ABCA6: variants seen among roughly 807,000 people sequenced by gnomAD.
ABCA6 encodes the protein ATP-binding cassette sub-family A member 6.
In ABCA6, 164 loss-of-function variants were observed where a neutral mutation model predicts 191.2. The ratio of observed to expected loss-of-function variants is 0.86; its 90% CI spans 0.76 to 0.98. The LOEUF is 0.98. Ranked by LOEUF, ABCA6 falls within the 50% of genes least tolerant of loss-of-function variation. ABCA6 has a pLI of 0.00. For synonymous variants in ABCA6, 636 were observed against 647.7 expected, an observed-to-expected ratio of 0.98 and a Z score of 0.27; for missense variants, 1,958 against 1,894.1, an observed-to-expected ratio of 1.03 and a Z score of -0.63.
Position 69,079,085 on chromosome 17 carries a change from G to A in ABCA6, c.4753-11C>T, listed in dbSNP as rs780215256. Reference sequence around the variant, plus strand: ...AAGCTCTAAGAATACCTAATTAGGAGACAAAGAAGAAGGAAAGAAGGAAGA... The same window carrying A: ...AAGCTCTAAGAATACCTAATTAGGAAACAAAGAAGAAGGAAAGAAGGAAGA... On this transcript the variant is annotated splice_polypyrimidine_tract_variant and intron_variant, in intron 38 of 38. Coordinates refer to ENST00000284425, the MANE Select transcript of ABCA6 (RefSeq NM_080284.3). The A allele has an allele frequency of 8.2e-6, 13 of 1,585,964 alleles. No individual in the cohort carries two copies. Among genetic ancestry groups the A allele is most frequent in the African/African-American group, 4.1e-5 (3 of 74,024 alleles).
In ABCA6 at chr17:69,107,798, G is replaced by A. The variant is rs991106515; in HGVS notation, c.2287C>T (p.Leu763=). 2 of 1,607,628 alleles carry A rather than the reference G, an allele frequency of 1.2e-6. No homozygotes were observed. Among genetic ancestry groups the A allele is most frequent in the Non-Finnish European group, 1.7e-6 (2 of 1,176,910 alleles). ...TNTFPDLFSD[L]DKCSDQGVTG... ...ACTCCCTGGTCAGAACACTTATCCA[G>A]ATCACTGAAAAGATCTAAGGCAAAA... Residue 763 remains leucine (L), a synonymous_variant, in exon 18 of 39, where the codon CTG becomes TTG. Coordinates refer to ENST00000284425, the MANE Select transcript of ABCA6 (RefSeq NM_080284.3).
In ABCA6 at chr17:69,081,066, C is replaced by A; in HGVS notation, c.4696G>T (p.Val1566Leu). The A allele has an allele frequency of 6.3e-7, 1 of 1,582,300 alleles. No individual in the cohort carries two copies. Among genetic ancestry groups the A allele is most frequent in the Non-Finnish European group, 8.6e-7 (1 of 1,160,834 alleles). The change falls in exon 37 of 39, where the codon GTG (valine) becomes TTG (leucine). Residue 1566 changes from valine to leucine, a missense_variant and splice_region_variant. Physicochemically the swap from Val to Leu is conservative, Grantham distance 32. Coordinates refer to ENST00000284425, the MANE Select transcript of ABCA6 (RefSeq NM_080284.3). ...LSQTFHKLEAVKHNFNLEEYS... is the reference protein window; with the variant it reads ...LSQTFHKLEALKHNFNLEEYS... Reference sequence around the variant, plus strand: ...TTTATTTGAATGTGGTCACTCTTACCTGCTTCTAATTTGTGAAAGGTCTGT... The same window carrying A: ...TTTATTTGAATGTGGTCACTCTTACATGCTTCTAATTTGTGAAAGGTCTGT...
intron 16 of ABCA6, chr17:69,111,186 A>G (rs1418745353): frequency 3.5e-6 from 1 of 285,916 alleles, no homozygotes; most frequent in East Asian, 6.6e-5. Flanking sequence ...ATGGAACTAT[A>G]TAGAGTTTTA....
At chr17:69,090,972 A>G (rs2072908796) in intron 26 of ABCA6, among the ~76,000 whole-genome samples, 171 bp downstream of exon 26, 4 of 152,160 alleles carry the variant, frequency 2.6e-5, no homozygotes, top group Admixed American at 2.6e-4. Flanking sequence ...AGAGTTGTGC[A>G]AGCATCACCA....
intron 34 of ABCA6, 63 bp downstream of exon 34, chr17:69,084,198 A>C (rs2072710975): frequency 5.4e-6 from 8 of 1,492,618 alleles, no homozygotes; most frequent in Non-Finnish European, 7.4e-6. Flanking sequence ...TTCCAAGACC[A>C]GTTAAAATAT....
chr17:69,098,029 T>C lies in ABCA6; in HGVS notation c.3013-2A>G. 6.3e-7 allele frequency: 1 copy of C among 1,575,886 alleles called. No individual in the cohort carries two copies. On this transcript the variant is annotated splice_acceptor_variant, in intron 22 of 38. Transcript: ENST00000284425. LOFTEE classifies it high-confidence loss of function. ...CCCAGTCCAGAGTCCTATGTGGCTC[T>C]GAAAATATAAAGGGTAGCTTAAACT... is the stretch of plus-strand genomic sequence containing the variant.
chr17:69,135,871 T>C (rs111647978), intron 4 of ABCA6: 7 of 517,824 alleles, frequency 1.4e-5, no homozygotes, highest in African/African-American at 3.9e-5. Context: ...CTTTGACACA[T>C]GCATCTGCAT....
intron 14 of ABCA6, 40 bp downstream of exon 14, chr17:69,113,578 C>T: frequency 1.9e-6 from 3 of 1,612,286 alleles, no homozygotes; most frequent in Non-Finnish European, 2.5e-6. Flanking sequence ...ATTTTGCAGA[C>T]ATTCGACCTG....
chr17:69,101,080 C>A, intron 21 of ABCA6, 146 bp from the exon 22 acceptor site: 1 of 617,352 alleles, frequency 1.6e-6, no homozygotes, highest in Admixed American at 3.3e-5. Context: ...TTACCTTCCT[C>A]ATCTATGAAA....
At chr17:69,082,250 T>C (rs747268797) in intron 36 of ABCA6, among the ~76,000 whole-genome samples, 23 of 152,074 alleles carry the variant, frequency 1.5e-4, no homozygotes, top group Non-Finnish European at 3.1e-4. Flanking sequence ...TTGATGTACT[T>C]ATCTCTCCAC....
At chr17:69,105,894 G>T in intron 19 of ABCA6, 134 bp downstream of exon 19, 1 of 1,024,072 alleles carries the variant, frequency 9.8e-7, no homozygotes, top group Non-Finnish European at 1.4e-6. Flanking sequence ...CCCACTGTCA[G>T]AAAAATTAAA....
intron 8 of ABCA6, among the ~76,000 whole-genome samples, chr17:69,126,234 T>C (rs2073751482): frequency 6.6e-6 from 1 of 152,176 alleles, no homozygotes; most frequent in African/African-American, 2.4e-5. Context: ...TGCATCTCTC[T>C]ACATTAACAA....
At chr17:69,124,661 ATTG>A (rs1234364030) in intron 9 of ABCA6, among the ~76,000 whole-genome samples, 2 of 151,958 alleles carry the variant, frequency 1.3e-5, no homozygotes, top group Non-Finnish European at 2.9e-5. Context: ...TATTATAATT[ATTG>A]TTGTCATATA....
chr17:69,134,659 T>C lies in ABCA6; in HGVS notation c.544A>G (p.Ile182Val). The C allele has an allele frequency of 6.2e-7, 1 of 1,613,214 alleles. No individual in the cohort carries two copies. Among genetic ancestry groups the C allele is most frequent in the African/African-American group, 1.3e-5 (1 of 75,016 alleles). The change falls in exon 5 of 39, where the codon ATT becomes GTT. Residue 182 changes from isoleucine to valine, a missense_variant. By Grantham distance (29) the Ile-to-Val change is conservative. Coordinates refer to ENST00000284425, the MANE Select transcript of ABCA6 (RefSeq NM_080284.3). ...CTTACTTCTATAATGGCAGTATTAA[T>C]AGCTGTTTGTAAAGCCACAAATCCT... ...NRGFVALQTA[I>V]NTAIIEITTN...
At chr17:69,113,040 C>A in intron 15 of ABCA6, 182 bp downstream of exon 15, 1 of 560,890 alleles carries the variant, frequency 1.8e-6, no homozygotes, top group Non-Finnish European at 2.7e-6. Flanking sequence ...GTTGTCACTA[C>A]CTAGCAAATG....
intron 31 of ABCA6, 98 bp from the exon 32 acceptor site, chr17:69,085,280 G>T: frequency 8.5e-7 from 1 of 1,180,208 alleles, no homozygotes. Context: ...AATTGTTTAA[G>T]CATCAAATAA....
Position 69,097,996 on chromosome 17 carries a change from TC to T in ABCA6, c.3043del (p.Asp1015MetfsTer49). The T allele has an allele frequency of 6.2e-7, 1 of 1,612,122 alleles. No homozygotes were observed. Among genetic ancestry groups the T allele is most frequent in the African/African-American group, 1.3e-5 (1 of 74,830 alleles). ...AACCAAAAATAAGAAAAAGGAACCA[TC>T]CGGCAACCCAGTCCAGAGTCCTATG... ...SHIGLWTGLP[D>X]GSFFLFLVLC... On this transcript the variant is annotated frameshift_variant, in exon 23 of 39. Coordinates refer to ENST00000284425, the MANE Select transcript of ABCA6 (RefSeq NM_080284.3). LOFTEE classifies it high-confidence loss of function.
At chr17:69,102,999 G>C in intron 20 of ABCA6, 31 bp from the exon 21 acceptor site, 1 of 1,325,794 alleles carries the variant, frequency 7.5e-7, no homozygotes. Flanking sequence ...GAAGGCCATA[G>C]AAAAGTAAGA....
intron 1 of ABCA6, among the ~76,000 whole-genome samples, chr17:69,141,035 A>T (rs2074018423): frequency 6.6e-6 from 1 of 152,014 alleles, no homozygotes. Flanking sequence ...GTATGAGAGA[A>T]CTTTAAGTAC....
Sources: allele counts gnomAD v4.1 joint callset (sites outside exome capture counted in the v4.1 genomes callset), GRCh38; gene constraint gnomAD v4.1.1; transcripts MANE v1.5; gene names NCBI Gene and HGNC (gene_info 2026-07-23, HGNC 2026-07-21).